The following RBFOX1 variants were observed in gnomAD, a reference collection of about 807,000 sequenced individuals.
The protein encoded by RBFOX1 is RNA binding protein fox-1 homolog 1.
RBFOX1 carries 8 observed loss-of-function variants against 57.7 expected under a neutral mutation model. That is an observed-to-expected ratio of 0.14 (90% CI 0.08 to 0.25). The LOEUF (loss-of-function observed/expected upper bound fraction) is 0.25. RBFOX1 is among the 10% of genes least tolerant of loss of function. The probability of loss-of-function intolerance (pLI) is 1.00; values close to 1 mark genes in which losing one functional copy is unlikely to be tolerated. For synonymous variants in RBFOX1, 326 were observed against 222.4 expected (o/e 1.47, Z -4.15); for missense variants, 611 against 548.5 (o/e 1.11, Z -1.14).
intron 1 of RBFOX1, among the ~76,000 whole-genome samples, chr16:5,271,706 C>T (rs1048350453): frequency 2.0e-5 from 3 of 152,172 alleles, no homozygotes; most frequent in Admixed American, 2.0e-4. Flanking sequence ...ACTTATTCTT[C>T]CTATTGGAAA....
chr16:5,496,367 C>T lies in RBFOX1; in HGVS notation c.258+29113C>T, dbSNP rs80095622. Among the ~76,000 whole-genome samples the T allele has an allele frequency of 5.3e-3, 812 of 152,246 alleles. 9 individuals are homozygous for T. The highest frequency in any genetic ancestry group is 0.02 in the Middle Eastern group (6 of 294). On this transcript the variant is annotated intron_variant, in intron 2 of 2. Transcript: ENST00000585867. The stretch of plus-strand genomic sequence containing the variant: ...GGGACCTCCCTTAGCCCTCCTGTAC[C>T]ATAATAAGCCTTTGCCTATTCTCTC...
intron 1 of RBFOX1, among the ~76,000 whole-genome samples, chr16:6,230,320 C>T (rs1173115338): frequency 1.3e-5 from 2 of 151,936 alleles, no homozygotes; most frequent in Admixed American, 1.3e-4. Context: ...ATAATTATAA[C>T]AATGTTGTTA....
At chr16:5,658,143 T>A (rs1383748187) in intron 3 of RBFOX1, among the ~76,000 whole-genome samples, 1 of 152,176 alleles carries the variant, frequency 6.6e-6, no homozygotes, top group African/African-American at 2.4e-5. Flanking sequence ...ATGCCAGGAT[T>A]GATCCAGCAA....
intron 2 of RBFOX1, among the ~76,000 whole-genome samples, chr16:5,484,245 C>G (rs778939254): frequency 2.6e-4 from 39 of 152,254 alleles, no homozygotes; most frequent in Non-Finnish European, 5.0e-4. Flanking sequence ...TGATCTGCTT[C>G]TCAATTCACC....
chr16:7,492,183 C>G (rs1401469244), intron 4 of RBFOX1, among the ~76,000 whole-genome samples: 1 of 152,156 alleles, frequency 6.6e-6, no homozygotes, highest in African/African-American at 2.4e-5. Context: ...CCCAACATAA[C>G]CTAAGCAGGC....
chr16:7,171,016 C>G lies in RBFOX1; in HGVS notation c.27+118918C>G, dbSNP rs536222406. Among the ~76,000 whole-genome samples, 5 of 152,332 alleles carry G rather than the reference C, an allele frequency of 3.3e-5. No homozygotes were observed. In the South Asian group the frequency reaches 8.3e-4, roughly 25 times the overall value. ...CGTCTTGCTCCAGTCTGCTCACCCT[C>G]TGCCTCTCACCTGCGATGTCTCCTT... On this transcript the variant is annotated intron_variant, in intron 4 of 15. Coordinates refer to ENST00000550418, the MANE Select transcript of RBFOX1 (RefSeq NM_018723.4).
intron 5 of RBFOX1, among the ~76,000 whole-genome samples, chr16:7,527,240 C>A (rs1195686387): frequency 1.3e-5 from 2 of 152,158 alleles, no homozygotes; most frequent in Admixed American, 6.5e-5. Context: ...GAGCACTATG[C>A]TTCTCACTCC....
intron 3 of RBFOX1, among the ~76,000 whole-genome samples, chr16:6,954,307 T>C (rs1213417961): frequency 2.6e-5 from 4 of 152,130 alleles, no homozygotes; most frequent in Non-Finnish European, 5.9e-5. Flanking sequence ...GAGACTTGCT[T>C]ATTTATGGCG....
intron 2 of RBFOX1, among the ~76,000 whole-genome samples, chr16:6,560,776 C>G (rs966243814): frequency 6.6e-6 from 1 of 152,204 alleles, no homozygotes; most frequent in African/African-American, 2.4e-5. Flanking sequence ...CTGTCTCTCT[C>G]ATAGACTGTA....
At chr16:6,701,089 T>G (rs1364952455) in intron 3 of RBFOX1, among the ~76,000 whole-genome samples, 1 of 151,722 alleles carries the variant, frequency 6.6e-6, no homozygotes, top group African/African-American at 2.4e-5. Context: ...GCTGACCCAT[T>G]GGGGAGCTCC....
chr16:7,458,425 A>G (rs2058947463), intron 4 of RBFOX1, among the ~76,000 whole-genome samples: 1 of 152,194 alleles, frequency 6.6e-6, no homozygotes, highest in Non-Finnish European at 1.5e-5. Context: ...TCTGAGAAAG[A>G]AAATAGCTCA....
At chr16:5,296,646 C>T (rs896465462) in intron 1 of RBFOX1, among the ~76,000 whole-genome samples, 1 of 151,088 alleles carries the variant, frequency 6.6e-6, no homozygotes, top group Non-Finnish European at 1.5e-5. Flanking sequence ...CCTCCTGCTG[C>T]TCCTGCCAAC....
intron 3 of RBFOX1, among the ~76,000 whole-genome samples, chr16:6,857,154 T>C (rs568209813): frequency 5.3e-5 from 8 of 152,292 alleles, no homozygotes; most frequent in Admixed American, 2.0e-4. Flanking sequence ...GTCAAGAATT[T>C]TGTGATTTTA....
intron 5 of RBFOX1, among the ~76,000 whole-genome samples, chr16:7,570,829 ATCAAC>A (rs1251679219): frequency 6.6e-6 from 1 of 152,230 alleles, no homozygotes; most frequent in African/African-American, 2.4e-5. Flanking sequence ...AAGACATGGA[ATCAAC>A]TCAAATGCCC....
At chr16:5,467,788 T>C (rs888645271) in intron 2 of RBFOX1, among the ~76,000 whole-genome samples, 1 of 152,258 alleles carries the variant, frequency 6.6e-6, no homozygotes, top group African/African-American at 2.4e-5. Context: ...GGCCCTTGGA[T>C]AGAGGAAGTA....
chr16:7,133,261 C>G (rs1483449497), intron 4 of RBFOX1, among the ~76,000 whole-genome samples: 3 of 151,994 alleles, frequency 2.0e-5, no homozygotes, highest in Admixed American at 6.6e-5. Flanking sequence ...ATATTTTGAA[C>G]AAGATATTGT....
At chr16:6,254,907 C>G (rs993666530) in intron 1 of RBFOX1, among the ~76,000 whole-genome samples, 1 of 152,094 alleles carries the variant, frequency 6.6e-6, no homozygotes, top group Non-Finnish European at 1.5e-5. Flanking sequence ...ATGCCCACCC[C>G]CACTGTCTAC....
chr16:5,446,782 A>C (rs11644039), intron 1 of RBFOX1, among the ~76,000 whole-genome samples: 103,543 of 151,998 alleles, frequency 0.68, 35,689 homozygotes, highest in African/African-American at 0.8. Flanking sequence ...CGCCAAGATG[A>C]CAGTCTAGTT....
chr16:5,766,129 G>T (rs2053769240), intron 3 of RBFOX1, among the ~76,000 whole-genome samples: 1 of 152,154 alleles, frequency 6.6e-6, no homozygotes, highest in Admixed American at 6.5e-5. Flanking sequence ...CAGCATTGAG[G>T]CTGAATGCCA....
Sources: allele counts gnomAD v4.1 joint callset (sites outside exome capture counted in the v4.1 genomes callset), GRCh38; gene constraint gnomAD v4.1.1; transcripts MANE v1.5; gene names NCBI Gene and HGNC (gene_info 2026-07-23, HGNC 2026-07-21).